Variants in SH3KBP1 observed in about 807,000 individuals in gnomAD.
SH3KBP1 encodes SH3 domain containing kinase binding protein 1.
SH3KBP1 carries 8 observed loss-of-function variants against 50.1 expected under a neutral mutation model. That is an observed-to-expected ratio of 0.16 (90% CI 0.09 to 0.29). The LOEUF is 0.29. Among genes scored for constraint, SH3KBP1 ranks in the 10% least tolerant of loss-of-function variants. SH3KBP1 has a pLI of 1.00. For synonymous variants in SH3KBP1, 227 were observed against 218.6 expected, an observed-to-expected ratio of 1.04 and a Z score of -0.34; for missense variants, 377 against 535.2, an observed-to-expected ratio of 0.70 and a Z score of 2.92.
chrX:19,643,138 C>T (rs1028836972), intron 7 of SH3KBP1, among the ~76,000 whole-genome samples: 6 of 108,172 alleles, frequency 5.5e-5, no homozygotes, highest in Non-Finnish European at 7.6e-5. Context: ...ACATAGGTGT[C>T]GTATCAAAAT....
intron 1 of SH3KBP1, among the ~76,000 whole-genome samples, chrX:19,854,524 T>C (rs952497193): frequency 8.9e-6 from 1 of 111,799 alleles, no homozygotes; most frequent in Non-Finnish European, 1.9e-5. Flanking sequence ...CCCCTTGGAG[T>C]CAACCACATA....
chrX:19,605,048 CCACTCATCACTGACAACTT>C (rs1299342304), intron 9 of SH3KBP1, among the ~76,000 whole-genome samples: 2 of 111,109 alleles, frequency 1.8e-5, no homozygotes, highest in African/African-American at 6.5e-5. Context: ...CATGCCCAGT[CCACTCATCACTGACAACTT>C]CACTCTCCTG....
chrX:19,878,740 T>TA, intron 1 of SH3KBP1, among the ~76,000 whole-genome samples: 1 of 110,509 alleles, frequency 9.0e-6, no homozygotes, highest in Non-Finnish European at 1.9e-5. Flanking sequence ...GGGGTGATTT[T>TA]AAAAAAAGAA....
intron 3 of SH3KBP1, chrX:19,740,811 A>G (rs1052149405): frequency 3.8e-5 from 12 of 316,383 alleles, no homozygotes; most frequent in African/African-American, 3.0e-4. Context: ...CTCACGGCCT[A>G]TCAAGATCCA....
chrX:19,743,079 T>C (rs892438433), intron 3 of SH3KBP1, among the ~76,000 whole-genome samples: 5 of 111,567 alleles, frequency 4.5e-5, no homozygotes, highest in African/African-American at 1.6e-4. Flanking sequence ...GAGGATGTAC[T>C]TTCTCTCTCT....
At position 19,588,693 on chromosome X, in the gene SH3KBP1, T is replaced by C. The variant is rs1382511432; in HGVS notation, c.1248A>G (p.Ala416=). The C allele has an allele frequency of 1.7e-6, 2 of 1,209,010 alleles. No individual in the cohort carries two copies. The highest frequency in any genetic ancestry group is 2.3e-4 in the Middle Eastern group (1 of 4,346). ...GTCTCTCCGGCCTTCTCGGGGGCAG[T>C]GCGCCAGGTCTGCTGAGAGAATTGG... ...PKTNSLSRPG[A]LPPRRPERPV... is the part of the protein sequence containing the mutation. Residue 416 remains alanine (A), a synonymous_variant, in exon 12 of 18, where the codon GCA becomes GCG. Coordinates refer to ENST00000397821, the MANE Select transcript of SH3KBP1 (RefSeq NM_031892.3).
chrX:19,633,255 C>A (rs2061620554), intron 7 of SH3KBP1, among the ~76,000 whole-genome samples: 1 of 111,528 alleles, frequency 9.0e-6, no homozygotes, highest in South Asian at 3.8e-4. Flanking sequence ...TATTCTGTTA[C>A]AATAGCTTGA....
At chrX:19,591,443 A>G (rs1219724872) in intron 11 of SH3KBP1, among the ~76,000 whole-genome samples, 1 of 110,946 alleles carries the variant, frequency 9.0e-6, no homozygotes. Context: ...TGATTGCAGG[A>G]CACACATTAA....
chrX:19,760,397 AATACATACATACATACATAC>A (rs545437176), intron 2 of SH3KBP1, among the ~76,000 whole-genome samples: 2 of 96,639 alleles, frequency 2.1e-5, no homozygotes, highest in Non-Finnish European at 4.1e-5. Context: ...AAAATAAATA[AATACATACATACATACATAC>A]ATACATACAT....
chrX:19,782,231 G>A (rs959031399), intron 2 of SH3KBP1, among the ~76,000 whole-genome samples: 4 of 111,717 alleles, frequency 3.6e-5, no homozygotes, highest in African/African-American at 1.3e-4. Flanking sequence ...AAGGCAGAGA[G>A]AGGAGTGATG....
intron 11 of SH3KBP1, among the ~76,000 whole-genome samples, chrX:19,590,778 G>A (rs371777305): frequency 9.6e-5 from 10 of 104,023 alleles, no homozygotes; most frequent in East Asian, 9.0e-4. Context: ...AAAGTAGCTG[G>A]GACTATGGAC....
chrX:19,614,277 C>T (rs2067532111), intron 8 of SH3KBP1, among the ~76,000 whole-genome samples: 1 of 112,975 alleles, frequency 8.9e-6, no homozygotes, highest in African/African-American at 3.2e-5. Flanking sequence ...CTCCACACAG[C>T]TGAGAGCGAC....
chrX:19,735,731 G>GC (rs1315153221), intron 3 of SH3KBP1, among the ~76,000 whole-genome samples: 1 of 72,612 alleles, frequency 1.4e-5, no homozygotes, highest in East Asian at 5.8e-4. Context: ...TGGCGGGGGG[G>GC]GGGGGTGGGG....
intron 2 of SH3KBP1, among the ~76,000 whole-genome samples, chrX:19,771,629 C>G (rs2065793483): frequency 9.0e-6 from 1 of 111,346 alleles, no homozygotes; most frequent in African/African-American, 3.3e-5. Flanking sequence ...TTTGGGGGGC[C>G]AAAGCGGGCA....
intron 7 of SH3KBP1, among the ~76,000 whole-genome samples, chrX:19,632,840 C>A (rs6527941): frequency 0.26 from 28,856 of 111,014 alleles, 4,065 homozygotes; most frequent in African/African-American, 0.54. Flanking sequence ...AGAAGGTGGA[C>A]AGAAAAATTC....
chrX:19,812,040 G>A (rs1369611419), intron 2 of SH3KBP1, among the ~76,000 whole-genome samples: 6 of 111,561 alleles, frequency 5.4e-5, no homozygotes, highest in Non-Finnish European at 1.1e-4. Context: ...AGAAACCCAG[G>A]GCAGGATGTG....
At chrX:19,695,864 T>C (rs1234703310) in intron 4 of SH3KBP1, 123 bp from the exon 5 acceptor site, 2 of 585,297 alleles carry the variant, frequency 3.4e-6, no homozygotes, top group Admixed American at 3.4e-5. Flanking sequence ...TGAATGGCTT[T>C]AAAGTTAACA....
chrX:19,555,210 C>T (rs183008022), intron 13 of SH3KBP1, among the ~76,000 whole-genome samples: 3 of 112,398 alleles, frequency 2.7e-5, no homozygotes, highest in African/African-American at 9.7e-5. Flanking sequence ...TTCATAAGGA[C>T]GAGAGGCCCT....
chrX:19,690,058 C>CT (rs1264534409), intron 5 of SH3KBP1, among the ~76,000 whole-genome samples: 1 of 97,655 alleles, frequency 1.0e-5, no homozygotes, highest in African/African-American at 4.2e-5. Context: ...CTCTCTCTCT[C>CT]TCTTTTTTTT....
Sources: gnomAD v4.1 joint callset for allele counts (sites outside exome capture counted in the v4.1 genomes callset) on GRCh38, gnomAD v4.1.1 for gene constraint, MANE v1.5 for transcripts, NCBI Gene and HGNC (gene_info 2026-07-23, HGNC 2026-07-21) for gene names.